The following RAPGEF6 variants were observed in gnomAD, a reference collection of about 807,000 sequenced individuals.
RAPGEF6 encodes the protein PDZ domain containing guanine nucleotide exchange factor (GEF) 2.
In RAPGEF6, 56 loss-of-function variants were observed where a neutral mutation model predicts 171.4. The observed-to-expected ratio is 0.33, with a 90% confidence interval of 0.26 to 0.41. The LOEUF is 0.41. RAPGEF6 is among the 10% of genes least tolerant of loss of function. The probability of loss-of-function intolerance (pLI) is 1.00; values close to 1 mark genes in which losing one functional copy is unlikely to be tolerated. For missense variants in RAPGEF6, 1,674 were observed against 1,921.4 expected (o/e 0.87, Z 2.41); for synonymous variants, 692 against 650.1 (o/e 1.06, Z -0.98).
chr5:131,455,718 G>C lies in RAPGEF6; in HGVS notation c.3076+83C>G, dbSNP rs1251927212. 2.5e-6 allele frequency: 3 copies of C among 1,207,464 alleles called. No individual in the cohort carries two copies. The South Asian group carries it at 4.0e-5, about 16-fold the overall frequency. The allele number at this position is 1,207,464 out of a possible 1,614,324, so 74.8% of individuals were successfully genotyped here. On this transcript the variant is annotated intron_variant, in intron 20 of 27. Coordinates refer to ENST00000509018, the MANE Select transcript of RAPGEF6 (RefSeq NM_016340.6). ...TATAGTTACCAAATTAATAGAATAG[G>C]AAATATACCATACACAAAAATCAAT...
chr5:131,459,543 A>G (rs1039750563), intron 19 of RAPGEF6, among the ~76,000 whole-genome samples: 4 of 152,214 alleles, frequency 2.6e-5, no homozygotes, highest in African/African-American at 9.6e-5. Flanking sequence ...ATACATCTAC[A>G]TAAAAATAAA....
At position 131,446,698 on chromosome 5, in the gene RAPGEF6, A is replaced by G. The variant is rs759174738; in HGVS notation, c.3206T>C (p.Leu1069Pro). ...GTTTGAATTTGTGCTTCCTTGACTC[A>G]GTGACCTATAAGAAGATGAAAATCA... ...DPAMMFRQRS[L>P]SQGSTNSNML... The change falls in exon 22 of 28, where the codon CTG (leucine) becomes CCG (proline). Residue 1069 changes from leucine (L) to proline (P), a missense_variant. This residue lies in a region of RAPGEF6 where 1,116 missense variants were observed against 1,321.5 expected (regional missense o/e 0.84). Coordinates refer to ENST00000509018, the MANE Select transcript of RAPGEF6 (RefSeq NM_016340.6). The G allele has an allele frequency of 6.2e-7, 1 of 1,613,346 alleles. No homozygotes were observed. The highest frequency in any genetic ancestry group is 2.2e-5 in the East Asian group (1 of 44,886).
In RAPGEF6 at chr5:131,475,691, T is replaced by A. The variant is rs115485462; in HGVS notation, c.2082-2947A>T. ...TTCTTAGGTCAATAAAAACCATACT[T>A]CCGTCTTAACTTACAGATGTAATTC... On this transcript the variant is annotated intron_variant, in intron 16 of 27. Coordinates refer to ENST00000509018, the MANE Select transcript of RAPGEF6 (RefSeq NM_016340.6). 5.1e-3 allele frequency among the ~76,000 whole-genome samples: 780 copies of A among 152,362 alleles called. 4 individuals carry two copies. The highest frequency in any genetic ancestry group is 0.017 in the African/African-American group (714 of 41,590).
chr5:131,557,278 T>C (rs1017662371), intron 5 of RAPGEF6, among the ~76,000 whole-genome samples: 3 of 152,228 alleles, frequency 2.0e-5, no homozygotes, highest in African/African-American at 7.2e-5. Context: ...TTTTAAGGTT[T>C]TCTGTGTAAA....
At chr5:131,500,118 C>T (rs188620745) in intron 11 of RAPGEF6, among the ~76,000 whole-genome samples, 29 of 152,262 alleles carry the variant, frequency 1.9e-4, no homozygotes, top group African/African-American at 6.5e-4. Context: ...AGGCTGGTCT[C>T]GAACTCTTGA....
intron 1 of RAPGEF6, among the ~76,000 whole-genome samples, chr5:131,622,317 A>C (rs533167418): frequency 6.6e-6 from 1 of 152,228 alleles, no homozygotes; most frequent in Non-Finnish European, 1.5e-5. Flanking sequence ...GAATTCTCCA[A>C]AGGGAAGAAG....
intron 5 of RAPGEF6, among the ~76,000 whole-genome samples, chr5:131,549,230 A>C (rs1760752287): frequency 6.6e-6 from 1 of 152,154 alleles, no homozygotes; most frequent in African/African-American, 2.4e-5. Context: ...ATGCTCTAAA[A>C]ATCTACCTTT....
chr5:131,545,149 A>C (rs752441614), intron 6 of RAPGEF6, among the ~76,000 whole-genome samples: 10 of 152,182 alleles, frequency 6.6e-5, no homozygotes, highest in Non-Finnish European at 1.0e-4. Context: ...AAAAAAAGTC[A>C]CATTAAGATT....
intron 17 of RAPGEF6, among the ~76,000 whole-genome samples, chr5:131,467,521 C>CTATTCTTTACAAACTATTCTTTACAA (rs1477875163): frequency 6.6e-6 from 1 of 152,218 alleles, no homozygotes; most frequent in African/African-American, 2.4e-5. Flanking sequence ...TCTTTACAAA[C>CTATTCTTTACAAACTATTCTTTACAA]ATGTTTCTTG....
chr5:131,462,141 G>T, intron 18 of RAPGEF6, 53 bp from the exon 19 acceptor site: 2 of 1,266,742 alleles, frequency 1.6e-6, no homozygotes, highest in Non-Finnish European at 2.0e-6. Flanking sequence ...GATTAAATAA[G>T]AGCACTTTTC....
At chr5:131,462,842 C>T (rs778328952) in intron 18 of RAPGEF6, among the ~76,000 whole-genome samples, 8 of 151,128 alleles carry the variant, frequency 5.3e-5, no homozygotes, top group Non-Finnish European at 1.2e-4. Flanking sequence ...AGTTTGTATC[C>T]ATCTATCCAT....
chr5:131,484,683 C>G (rs1425867486), intron 15 of RAPGEF6, among the ~76,000 whole-genome samples: 2 of 151,878 alleles, frequency 1.3e-5, no homozygotes, highest in African/African-American at 4.8e-5. Context: ...CTGTTAATAG[C>G]AAAAACTATA....
intron 3 of RAPGEF6, among the ~76,000 whole-genome samples, chr5:131,594,841 T>C (rs1419060794): frequency 6.6e-6 from 1 of 152,218 alleles, no homozygotes; most frequent in Non-Finnish European, 1.5e-5. Context: ...CCCCTTTATT[T>C]TGGCCAATTT....
At chr5:131,536,355 C>G (rs1759773902) in intron 6 of RAPGEF6, among the ~76,000 whole-genome samples, 1 of 152,164 alleles carries the variant, frequency 6.6e-6, no homozygotes. Flanking sequence ...AGTTATCAGA[C>G]ACAGTTAACT....
chr5:131,438,683 C>T (rs17669718), intron 24 of RAPGEF6, among the ~76,000 whole-genome samples: 7,774 of 152,258 alleles, frequency 0.051, 264 homozygotes, highest in Non-Finnish European at 0.077. Flanking sequence ...ATGGCATCTG[C>T]TGCACACTGC....
In RAPGEF6 at chr5:131,484,561, T is replaced by G. The variant is rs138571009; in HGVS notation, c.1841-4808A>C. On this transcript the variant is annotated intron_variant, in intron 15 of 27. Coordinates refer to ENST00000509018, the MANE Select transcript of RAPGEF6 (RefSeq NM_016340.6). ...GAATGAAGCATAGATCGTGATAAAC[T>G]TTCAGAAAGTAAAACCCTGCAGTGT... 4.4e-3 allele frequency among the ~76,000 whole-genome samples: 669 copies of G among 152,252 alleles called. 8 individuals carry two copies. Among genetic ancestry groups the G allele is most frequent in the African/African-American group, 0.015 (632 of 41,552 alleles).
intron 1 of RAPGEF6, among the ~76,000 whole-genome samples, chr5:131,607,976 G>A (rs1191322178): frequency 6.6e-6 from 1 of 152,098 alleles, no homozygotes; most frequent in Non-Finnish European, 1.5e-5. Context: ...GTGAAGTAAA[G>A]ATCCACCTGA....
chr5:131,633,247 T>C (rs1305803083), intron 1 of RAPGEF6, among the ~76,000 whole-genome samples: 2 of 151,848 alleles, frequency 1.3e-5, no homozygotes, highest in Non-Finnish European at 2.9e-5. Context: ...CAGAACTACT[T>C]GAACCGGGAC....
chr5:131,510,184 C>T, intron 8 of RAPGEF6, 130 bp downstream of exon 8: 1 of 1,013,974 alleles, frequency 9.9e-7, no homozygotes, highest in Non-Finnish European at 1.4e-6. Context: ...AAATTTGACT[C>T]ACAAAAACTC....
Sources: gnomAD v4.1 joint callset for allele counts (sites outside exome capture counted in the v4.1 genomes callset) on GRCh38, gnomAD v4.1.1 for gene constraint, gnomAD v4.1.1 regional missense constraint, MANE v1.5 for transcripts, NCBI Gene and HGNC (gene_info 2026-07-23, HGNC 2026-07-21) for gene names.